Variants in SLC8A1 observed in about 807,000 individuals in gnomAD.
SLC8A1 encodes the protein sodium/calcium exchanger 1.
A neutral mutation model predicts 68.3 loss-of-function variants in SLC8A1; 18 were observed. The ratio of observed to expected loss-of-function variants is 0.26; its 90% CI spans 0.18 to 0.39. The LOEUF is 0.39. SLC8A1 is among the 10% of genes least tolerant of loss of function. The probability of loss-of-function intolerance (pLI) is 1.00; values close to 1 mark genes in which losing one functional copy is unlikely to be tolerated. For synonymous variants in SLC8A1, 475 were observed against 415.5 expected (o/e 1.14, Z -1.74); for missense variants, 985 against 1,156.7 (o/e 0.85, Z 2.15).
intron 2 of SLC8A1, among the ~76,000 whole-genome samples, chr2:40,423,229 A>C (rs1345616032): frequency 2.0e-5 from 3 of 152,074 alleles, no homozygotes; most frequent in African/African-American, 7.2e-5. Context: ...GTATGAGTCC[A>C]TCTTACAATG....
chr2:40,204,997 C>T (rs1346546523), intron 2 of SLC8A1, among the ~76,000 whole-genome samples: 7 of 151,924 alleles, frequency 4.6e-5, no homozygotes, highest in Non-Finnish European at 1.0e-4. Context: ...TAATCTATTT[C>T]AGGAGTACAG....
Position 40,418,055 on chromosome 2 carries a change from C to A in SLC8A1, c.1808+10418G>T, listed in dbSNP as rs114692848. ...GGTCGATTTAAAAGAATATAGTTTA[C>A]AATAGCTATAGAAGTCATGAAATAT... On this transcript the variant is annotated intron_variant, in intron 2 of 7. Coordinates refer to ENST00000406785, the Ensembl canonical transcript of SLC8A1. Among the ~76,000 whole-genome samples the A allele has an allele frequency of 4.2e-3, 641 of 152,100 alleles. 6 individuals carry two copies. Among genetic ancestry groups the A allele is most frequent in the African/African-American group, 0.015 (625 of 41,532 alleles).
intron 1 of SLC8A1, among the ~76,000 whole-genome samples, chr2:40,494,710 G>C (rs1306675290): frequency 1.6e-5 from 2 of 121,438 alleles, no homozygotes. Flanking sequence ...ATATTGTTTT[G>C]TTCCATTTTT....
At chr2:40,251,873 C>T (rs1333900917) in intron 2 of SLC8A1, 1 of 152,140 alleles carries the variant, frequency 6.6e-6, no homozygotes, top group East Asian at 1.9e-4. Flanking sequence ...TATTTTCATT[C>T]ATTCAATATA....
chr2:40,122,974 G>A (rs538447313), intron 7 of SLC8A1, among the ~76,000 whole-genome samples: 2 of 152,252 alleles, frequency 1.3e-5, no homozygotes, highest in Admixed American at 1.3e-4. Context: ...AAAAAATGGA[G>A]GTTTATTTTT....
At position 40,253,975 on chromosome 2, in the gene SLC8A1, G is replaced by A. The variant is rs535255961; in HGVS notation, c.1809-76120C>T. On this transcript the variant is annotated intron_variant, in intron 2 of 7. Coordinates refer to ENST00000406785, the Ensembl canonical transcript of SLC8A1. ...TTGATAGCACAACAGGGTGACTACA[G>A]TTAATAATAACTGATTTTATATTTC... is the stretch of plus-strand genomic sequence containing the variant. Among the ~76,000 whole-genome samples, 3 of 144,792 alleles carry A rather than the reference G, an allele frequency of 2.1e-5. No homozygotes were observed. The Admixed American group carries it at 2.1e-4, about 10-fold the overall frequency. The allele number at this position is 144,792 out of a possible 152,430, so 95.0% of individuals were successfully genotyped here. A position where few individuals can be genotyped will look rare whatever the true frequency, so the allele number is the denominator to read the frequency against.
intron 2 of SLC8A1, among the ~76,000 whole-genome samples, chr2:40,244,881 G>A (rs2061660467): frequency 1.3e-5 from 2 of 152,162 alleles, no homozygotes; most frequent in Admixed American, 1.3e-4. Context: ...TTAACAAAGA[G>A]AAGGAATGTC....
chr2:40,496,418 G>A (rs1474072792), intron 1 of SLC8A1, among the ~76,000 whole-genome samples: 1 of 152,026 alleles, frequency 6.6e-6, no homozygotes, highest in East Asian at 1.9e-4. Flanking sequence ...CAAACAGTTG[G>A]ATCAAGATCT....
chr2:40,173,335 T>G (rs1191485091), intron 4 of SLC8A1, among the ~76,000 whole-genome samples: 1 of 152,126 alleles, frequency 6.6e-6, no homozygotes, highest in Admixed American at 6.5e-5. Context: ...AAAAATAACC[T>G]TTAGTAGTGC....
At chr2:40,354,962 A>G (rs141190724) in intron 2 of SLC8A1, among the ~76,000 whole-genome samples, 1 of 152,312 alleles carries the variant, frequency 6.6e-6, no homozygotes, top group Non-Finnish European at 1.5e-5. Context: ...GGCATAGAGA[A>G]ATGCTTTTTG....
chr2:40,206,119 C>T (rs943167912), intron 2 of SLC8A1, among the ~76,000 whole-genome samples: 4 of 152,018 alleles, frequency 2.6e-5, no homozygotes, highest in Non-Finnish European at 4.4e-5. Context: ...AGTTCTACTT[C>T]ACAATTATAA....
At chr2:40,195,556 C>T (rs992787025) in intron 2 of SLC8A1, among the ~76,000 whole-genome samples, 1 of 151,984 alleles carries the variant, frequency 6.6e-6, no homozygotes, top group African/African-American at 2.4e-5. Context: ...ATGACTATAT[C>T]TTTATGATTA....
intron 6 of SLC8A1, among the ~76,000 whole-genome samples, chr2:40,157,498 G>T (rs541516049): frequency 6.6e-6 from 1 of 152,308 alleles, no homozygotes; most frequent in South Asian, 2.1e-4. Flanking sequence ...TATGGTGGTT[G>T]TGGAACTGGC....
chr2:40,267,845 G>C (rs1322203089), intron 2 of SLC8A1, among the ~76,000 whole-genome samples: 1 of 152,140 alleles, frequency 6.6e-6, no homozygotes, highest in East Asian at 1.9e-4. Flanking sequence ...GTTTTGCAGA[G>C]AGTCCCTTCT....
At chr2:40,297,273 A>C (rs897870393) in intron 2 of SLC8A1, among the ~76,000 whole-genome samples, 3 of 152,206 alleles carry the variant, frequency 2.0e-5, no homozygotes, top group Non-Finnish European at 4.4e-5. Context: ...AACTATTGGG[A>C]GAGTCTCAGG....
At chr2:40,467,556 A>T (rs1265871238) in intron 1 of SLC8A1, among the ~76,000 whole-genome samples, 1 of 152,142 alleles carries the variant, frequency 6.6e-6, no homozygotes, top group Non-Finnish European at 1.5e-5. Flanking sequence ...CTACAGAATA[A>T]TGATTTGCTG....
chr2:40,428,558 T>C (rs142237223), exon 2 of SLC8A1: 1 of 1,613,774 alleles, frequency 6.2e-7, no homozygotes, highest in African/African-American at 1.3e-5. Flanking sequence ...TCGATGGTTT[T>C]ATATGGAACG....
intron 1 of SLC8A1, among the ~76,000 whole-genome samples, chr2:40,461,967 G>C (rs1199503601): frequency 7.2e-6 from 1 of 139,582 alleles, no homozygotes; most frequent in African/African-American, 2.7e-5. Context: ...TAGATTTTTC[G>C]ATGTTTATCC....
At chr2:40,502,597 T>G (rs1383057037) in intron 1 of SLC8A1, among the ~76,000 whole-genome samples, 1 of 152,100 alleles carries the variant, frequency 6.6e-6, no homozygotes, top group African/African-American at 2.4e-5. Flanking sequence ...AAAAATATTT[T>G]TATTCCTTTA....
Sources: gnomAD v4.1 joint callset for allele counts (sites outside exome capture counted in the v4.1 genomes callset) on GRCh38, gnomAD v4.1.1 for gene constraint, MANE v1.5 for transcripts, NCBI Gene and HGNC (gene_info 2026-07-23, HGNC 2026-07-21) for gene names.